INPP5A: variants seen among roughly 807,000 people sequenced by gnomAD.
INPP5A encodes the protein 43 kDa inositol polyphosphate 5-phophatase.
In INPP5A, 14 loss-of-function variants were observed where a neutral mutation model predicts 65.2. The ratio of observed to expected loss-of-function variants is 0.21; its 90% CI spans 0.14 to 0.34. The LOEUF is 0.34. Ranked by LOEUF, INPP5A falls within the 10% of genes least tolerant of loss-of-function variation. The pLI is 1.00. For synonymous variants in INPP5A, 207 were observed against 208.3 expected (o/e 0.99, Z 0.05); for missense variants, 431 against 545.6 (o/e 0.79, Z 2.09).
intron 12 of INPP5A, among the ~76,000 whole-genome samples, chr10:132,775,533 A>G (rs1847050094): frequency 6.6e-6 from 1 of 151,978 alleles, no homozygotes; most frequent in Non-Finnish European, 1.5e-5. Context: ...CCCCTCCTGC[A>G]TTTCTCCCTG....
chr10:132,722,902 CT>C (rs1564984012), intron 8 of INPP5A, among the ~76,000 whole-genome samples: 1 of 152,102 alleles, frequency 6.6e-6, no homozygotes, highest in East Asian at 1.9e-4. Flanking sequence ...TTTAGAACAA[CT>C]GTTTTTTTTT....
chr10:132,641,348 G>A (rs1258723069), intron 2 of INPP5A, among the ~76,000 whole-genome samples: 2 of 152,194 alleles, frequency 1.3e-5, no homozygotes, highest in Non-Finnish European at 2.9e-5. Flanking sequence ...AAACTTTCTT[G>A]TTGTGCCGAT....
Position 132,697,701 on chromosome 10 carries a change from G to A in INPP5A, c.371-115G>A. ...GACCCCTCATCAGGGCCTCCTCTCG[G>A]GGGGCCTCTCTGGCTCCCATCGGGC... On this transcript the variant is annotated intron_variant, in intron 5 of 15. Coordinates refer to ENST00000368594, the MANE Select transcript of INPP5A (RefSeq NM_005539.5). This position sits in a 1 kb window ranked among gnomAD's most constrained non-coding sequence, Gnocchi z 5.6. 1 of 716,662 alleles carries A rather than the reference G, an allele frequency of 1.4e-6. No individual in the cohort carries two copies. Among genetic ancestry groups the A allele is most frequent in the East Asian group, 2.7e-5 (1 of 36,618 alleles). The allele number at this position is 716,662 out of a possible 1,614,324, so 44.4% of individuals were successfully genotyped here.
At chr10:132,766,902 A>AGCTTGGGTGG (rs1332185765) in intron 12 of INPP5A, among the ~76,000 whole-genome samples, 1 of 54,950 alleles carries the variant, frequency 1.8e-5, no homozygotes, top group East Asian at 5.6e-4. Flanking sequence ...GGCCTCAGGG[A>AGCTTGGGTGG]GCTTGGGTGG....
Position 132,627,334 on chromosome 10 carries a change from G to A in INPP5A, c.118-18534G>A, listed in dbSNP as rs1303508987. ...CTTGGGTGCTCCCAGGAGGCTTCAC[G>A]GGGAGACCGGGGCCGGGAGCTGCTG... On this transcript the variant is annotated intron_variant, in intron 2 of 15. Coordinates refer to ENST00000368594, the MANE Select transcript of INPP5A (RefSeq NM_005539.5). The surrounding 1 kb of genome is among the most constrained non-coding windows in gnomAD (Gnocchi z 6.6). Among the ~76,000 whole-genome samples the A allele has an allele frequency of 3.9e-5, 6 of 152,178 alleles. No homozygotes were observed. Among genetic ancestry groups the A allele is most frequent in the Admixed American group, 1.3e-4 (2 of 15,280 alleles).
chr10:132,607,919 A>G lies in INPP5A; in HGVS notation c.80A>G (p.Glu27Gly). 1.2e-6 allele frequency: 2 copies of G among 1,610,300 alleles called. No homozygotes were observed. Among genetic ancestry groups the G allele is most frequent in the African/African-American group, 1.3e-5 (1 of 75,070 alleles). The part of the protein sequence containing the change: ...ANVGSLFDDP[E>G]NLQKNWLREF... ...CTTTTTCTTCTTAATTTACAGCCAG[A>G]AAACCTGCAGAAGAACTGGCTTCGG... Residue 27 changes from glutamate to glycine, a missense_variant, in exon 2 of 16, where the codon GAA (glutamate) becomes GGA (glycine). Coordinates refer to ENST00000368594, the MANE Select transcript of INPP5A (RefSeq NM_005539.5).
intron 12 of INPP5A, among the ~76,000 whole-genome samples, chr10:132,774,843 G>T (rs543055030): frequency 8.4e-6 from 1 of 119,728 alleles, no homozygotes; most frequent in Non-Finnish European, 1.8e-5. Context: ...GGAGAGAGGG[G>T]TAGGGAGAGA....
chr10:132,655,229 T>G (rs2072638882), intron 4 of INPP5A, among the ~76,000 whole-genome samples: 1 of 152,182 alleles, frequency 6.6e-6, no homozygotes. Context: ...TCAGAGCCCT[T>G]GCTCCTGGGT....
chr10:132,542,907 A>G (rs550699375), intron 1 of INPP5A, among the ~76,000 whole-genome samples: 102 of 152,232 alleles, frequency 6.7e-4, no homozygotes, highest in East Asian at 7.7e-4. Flanking sequence ...AGCTGAAGCC[A>G]TCCTCCTGCC....
chr10:132,623,690 CTG>C (rs1240869878), intron 2 of INPP5A, among the ~76,000 whole-genome samples: 1 of 152,078 alleles, frequency 6.6e-6, no homozygotes, highest in African/African-American at 2.4e-5. Context: ...TGTTAAGACA[CTG>C]TGAAAAGAAT....
intron 1 of INPP5A, among the ~76,000 whole-genome samples, chr10:132,606,928 A>T (rs545878775): frequency 3.1e-4 from 47 of 152,222 alleles, no homozygotes; most frequent in African/African-American, 1.1e-3. Flanking sequence ...TGTTGCACGG[A>T]TCTCTAGAAC....
chr10:132,761,531 G>C (rs1308678756), intron 11 of INPP5A, among the ~76,000 whole-genome samples: 3 of 151,510 alleles, frequency 2.0e-5, no homozygotes, highest in African/African-American at 7.3e-5. Flanking sequence ...GCCTGGGGGT[G>C]CCACGAGGAA....
At chr10:132,613,868 G>A (rs1228735019) in intron 2 of INPP5A, among the ~76,000 whole-genome samples, 1 of 152,238 alleles carries the variant, frequency 6.6e-6, no homozygotes, top group East Asian at 1.9e-4. Flanking sequence ...CTGGGCCTCT[G>A]ACTGTTTCGG....
chr10:132,681,409 C>T (rs1310263934), intron 4 of INPP5A, among the ~76,000 whole-genome samples: 1 of 152,212 alleles, frequency 6.6e-6, no homozygotes, highest in Non-Finnish European at 1.5e-5. Flanking sequence ...AGATCTGCAG[C>T]TTCACTCCTG....
chr10:132,613,314 G>A (rs1215394916), intron 2 of INPP5A, among the ~76,000 whole-genome samples: 1 of 146,274 alleles, frequency 6.8e-6, no homozygotes, highest in Non-Finnish European at 1.5e-5. Flanking sequence ...CCCCCGCAGG[G>A]CCCCCTCCTT....
intron 4 of INPP5A, among the ~76,000 whole-genome samples, chr10:132,653,586 T>A (rs2072609903): frequency 6.6e-6 from 1 of 152,144 alleles, no homozygotes; most frequent in Non-Finnish European, 1.5e-5. Context: ...TGCCCCTGCC[T>A]CTGAGAGATG....
In INPP5A at chr10:132,727,030, A is replaced by ATGATAC; in HGVS notation, c.732+125_732+126insTGATAC. On this transcript the variant is annotated intron_variant, in intron 9 of 15. Transcript: ENST00000368594. The surrounding 1 kb of genome is among the most constrained non-coding windows in gnomAD (Gnocchi z 6.5). ...TCCGCCTCCCGGGATGCACTTTTTAAGGCAAAACCTTTCAATGAAGAAGCA... is the reference window on the plus strand; with the variant it reads ...TCCGCCTCCCGGGATGCACTTTTTAATGATACGGCAAAACCTTTCAATGAAGAAGCA... The ATGATAC allele has an allele frequency of 1.7e-6, 1 of 576,022 alleles. No individual in the cohort carries two copies. 35.7% of individuals were successfully genotyped at this position (576,022 alleles called of 1,614,324 possible). A position where few individuals can be genotyped will look rare whatever the true frequency, so the allele number is the denominator to read the frequency against.
intron 1 of INPP5A, among the ~76,000 whole-genome samples, chr10:132,579,380 C>T (rs1344785289): frequency 6.6e-6 from 1 of 152,024 alleles, no homozygotes; most frequent in African/African-American, 2.4e-5. Context: ...TTTGAGTCCC[C>T]CCGCCCCAGT....
At chr10:132,619,897 G>A (rs2072088336) in intron 2 of INPP5A, among the ~76,000 whole-genome samples, 3 of 152,230 alleles carry the variant, frequency 2.0e-5, no homozygotes, top group Non-Finnish European at 4.4e-5. Context: ...GACCTCAAGT[G>A]ATTCACCCAC....
Sources: gnomAD v4.1 joint callset for allele counts (sites outside exome capture counted in the v4.1 genomes callset) on GRCh38, gnomAD v4.1.1 for gene constraint, Gnocchi (gnomAD v3.1) non-coding constraint, MANE v1.5 for transcripts, NCBI Gene and HGNC (gene_info 2026-07-23, HGNC 2026-07-21) for gene names.